The following LRRN4 variants were observed in gnomAD, a reference collection of about 807,000 sequenced individuals.
LRRN4 encodes leucine-rich repeat neuronal protein 4.
In LRRN4, 26 loss-of-function variants were observed where a neutral mutation model predicts 22.3. The observed-to-expected ratio is 1.16, with a 90% CI of 0.85 to 1.62. The LOEUF (loss-of-function observed/expected upper bound fraction) is 1.62. Among genes scored for constraint, LRRN4 ranks in the 40% most tolerant of loss-of-function variants. The probability of loss-of-function intolerance (pLI) is 0.00; values close to 1 mark genes in which losing one functional copy is unlikely to be tolerated. For missense variants in LRRN4, 1,070 were observed against 1,008.5 expected, an observed-to-expected ratio of 1.06 and a Z score of -0.83; for synonymous variants, 496 against 486.2, an observed-to-expected ratio of 1.02 and a Z score of -0.26.
chr20:6,041,834 T>C lies in LRRN4; in HGVS notation c.1411A>G (p.Ile471Val). Residue 471 changes from isoleucine (I) to valine (V), a missense_variant, in exon 5 of 5, where the codon ATC becomes GTC. By Grantham distance (29) the Ile-to-Val change is conservative (BLOSUM62 3). Transcript: ENST00000378858. The surrounding 1 kb of genome is among the most constrained non-coding windows in gnomAD (Gnocchi z 9.4). ...HAPELVLEPDISAASTPLASK... is the reference protein window; with the variant it reads ...HAPELVLEPDVSAASTPLASK... ...GCCAGTGGGGTGGAGGCAGCTGAGA[T>C]ATCAGGCTCAAGGACAAGCTCGGGG... is the stretch of plus-strand genomic sequence containing the variant. The C allele has an allele frequency of 6.2e-7, 1 of 1,614,042 alleles. No homozygotes were observed. Among genetic ancestry groups the C allele is most frequent in the Non-Finnish European group, 8.5e-7 (1 of 1,179,988 alleles).
intron 3 of LRRN4, among the ~76,000 whole-genome samples, chr20:6,046,130 C>A (rs1488345080): frequency 6.8e-6 from 1 of 148,090 alleles, no homozygotes; most frequent in Non-Finnish European, 1.5e-5. Flanking sequence ...GGAAACATAG[C>A]AAGACCCTGT....
Position 6,041,113 on chromosome 20 carries a change from G to C in LRRN4, c.2132C>G (p.Thr711Arg). The part of the protein sequence containing the change: ...LSACLCRRGQ[T>R]LGLQRCDTHL... ...CGTGTCGCAGCGCTGCAGGCCCAGCGTCTGGCCCCGCCTGCAGAGACATGC... is the reference window on the plus strand; with the variant it reads ...CGTGTCGCAGCGCTGCAGGCCCAGCCTCTGGCCCCGCCTGCAGAGACATGC... The change falls in exon 5 of 5, where the codon ACG becomes AGG. Residue 711 changes from threonine (T) to arginine (R), a missense_variant. By Grantham distance (71) the Thr-to-Arg change is moderately conservative. Transcript: ENST00000378858. This position sits in a 1 kb window ranked among gnomAD's most constrained non-coding sequence, Gnocchi z 9.4. The C allele has an allele frequency of 6.2e-7, 1 of 1,610,802 alleles. No homozygotes were observed. Among genetic ancestry groups the C allele is most frequent in the South Asian group, 1.1e-5 (1 of 90,928 alleles).
intron 4 of LRRN4, 152 bp downstream of exon 4, chr20:6,044,391 G>A (rs981142138): frequency 6.9e-6 from 5 of 720,842 alleles, no homozygotes; most frequent in Non-Finnish European, 9.7e-6. Flanking sequence ...TCCATCACCT[G>A]GATCCCTGAG....
chr20:6,050,721 CAT>C, intron 3 of LRRN4, 56 bp downstream of exon 3: 2 of 1,501,926 alleles, frequency 1.3e-6, no homozygotes, highest in Non-Finnish European at 1.9e-6. Flanking sequence ...TAAAATTCAA[CAT>C]AGCGTAATGG....
chr20:6,041,366 C>T lies in LRRN4; in HGVS notation c.1879G>A (p.Gly627Arg). Residue 627 changes from glycine (G) to arginine (R), a missense_variant, in exon 5 of 5, where the codon GGG (glycine) becomes AGG (arginine). By Grantham distance (125) the Gly-to-Arg change is moderately radical (BLOSUM62 -2). Coordinates refer to ENST00000378858, the MANE Select transcript of LRRN4 (RefSeq NM_152611.5). This position sits in a 1 kb window ranked among gnomAD's most constrained non-coding sequence, Gnocchi z 9.4. ...TGCCGGGCCGTGGCGTAGATGACCC[C>T]CACCACCGACTGGTTCCCCGCCCAG... The part of the protein sequence containing the change: ...EGWAGNQSVV[G>R]VIYATARQHP... 6.3e-7 allele frequency: 1 copy of T among 1,591,150 alleles called. No homozygotes were observed. Among genetic ancestry groups the T allele is most frequent in the Admixed American group, 1.7e-5 (1 of 57,756 alleles).
chr20:6,052,601 C>T lies in LRRN4; in HGVS notation c.199G>A (p.Glu67Lys), dbSNP rs761670798. The change falls in exon 2 of 5, where the codon GAG (glutamate) becomes AAG (lysine). Residue 67 changes from glutamate (E) to lysine (K), a missense_variant. Transcript: ENST00000378858. ...TALTLANRNLERLPGCLPRTL... is the reference protein window; with the variant it reads ...TALTLANRNLKRLPGCLPRTL... ...CGCGGTAGGCAGCCGGGCAGGCGCT[C>T]CAGGTTGCGGTTCGCCAGGGTCAAG... 3.8e-6 allele frequency: 6 copies of T among 1,587,126 alleles called. No homozygotes were observed. The highest frequency in any genetic ancestry group is 1.1e-5 in the South Asian group (1 of 89,022).
chr20:6,053,780 C>T (rs1040245014), intron 1 of LRRN4, 50 bp downstream of exon 1: 1 of 152,336 alleles, frequency 6.6e-6, no homozygotes, highest in African/African-American at 2.4e-5. Context: ...GAGAAAGATC[C>T]TGGAACCTGA....
chr20:6,050,750 T>G (rs1981222880), intron 3 of LRRN4, 29 bp downstream of exon 3: 1 of 1,600,902 alleles, frequency 6.2e-7, no homozygotes, highest in African/African-American at 1.3e-5. Flanking sequence ...ATCAGTCATG[T>G]GATGAAGATG....
At position 6,040,659 on chromosome 20, in the gene LRRN4, C is replaced by A; in HGVS notation, c.*363G>T. 1 of 206,926 alleles carries A rather than the reference C, an allele frequency of 4.8e-6. No individual in the cohort carries two copies. The highest frequency in any genetic ancestry group is 9.7e-6 in the Non-Finnish European group (1 of 102,810). The allele number at this position is 206,926 out of a possible 1,614,324, so 12.8% of individuals were successfully genotyped here. On this transcript the variant is annotated 3_prime_UTR_variant, in exon 5 of 5. Coordinates refer to ENST00000378858, the MANE Select transcript of LRRN4 (RefSeq NM_152611.5). ...GTGATTTCTAACATGATCAAAGAGG[C>A]TGGGTTATGCAACTTCTCTGTTTCA...
At position 6,044,616 on chromosome 20, in the gene LRRN4, A is replaced by C. The variant is rs1325409187; in HGVS notation, c.925T>G (p.Phe309Val). 1 of 1,597,738 alleles carries C rather than the reference A, an allele frequency of 6.3e-7. No homozygotes were observed. The highest frequency in any genetic ancestry group is 8.5e-7 in the Non-Finnish European group (1 of 1,172,178). Reference sequence around the variant, plus strand: ...CAACTGCAAGTGAGGGGGTTGCCAAAGAGGTTGATCGATAGGACCTGGGAG... The same window carrying C: ...CAACTGCAAGTGAGGGGGTTGCCAACGAGGTTGATCGATAGGACCTGGGAG... ...DSSQVLSINL[F>V]GNPLTCSCDL... The change falls in exon 4 of 5, where the codon TTT becomes GTT. Residue 309 changes from phenylalanine to valine, a missense_variant. By Grantham distance (50) the Phe-to-Val change is conservative (BLOSUM62 -1). Transcript: ENST00000378858.
chr20:6,051,044 C>G (rs903139203), intron 2 of LRRN4, 61 bp from the exon 3 acceptor site: 2 of 1,469,320 alleles, frequency 1.4e-6, no homozygotes, highest in Admixed American at 1.8e-5. Context: ...GAGGCCAGCA[C>G]GGCATGAAGG....
Position 6,052,462 on chromosome 20 carries a change from G to A in LRRN4, c.338C>T (p.Ala113Val). Residue 113 changes from alanine (A) to valine (V), a missense_variant, in exon 2 of 5, where the codon GCG becomes GTG. By Grantham distance (64) the Ala-to-Val change is moderately conservative. Transcript: ENST00000378858. ...VLTLRHNRIA[A>V]LRWGPGGPAG... is the part of the protein sequence containing the mutation. ...CGGCCCACCCGGGCCCCAGCGCAGC[G>A]CGGCGATGCGGTTGTGGCGCAGGGT... The A allele has an allele frequency of 6.4e-7, 1 of 1,561,176 alleles. No individual in the cohort carries two copies. The highest frequency in any genetic ancestry group is 8.6e-7 in the Non-Finnish European group (1 of 1,162,350).
At chr20:6,047,630 C>CATA (rs1981138295) in intron 3 of LRRN4, among the ~76,000 whole-genome samples, 1 of 141,278 alleles carries the variant, frequency 7.1e-6, no homozygotes, top group African/African-American at 2.6e-5. Flanking sequence ...ACTAAAAATA[C>CATA]AAAAAAAAAA....
chr20:6,052,238 C>T lies in LRRN4; in HGVS notation c.562G>A (p.Gly188Arg), dbSNP rs776796749. ...GCGAACGCCGCCTCGGCGATGCCCCCCTGGGCTCCGCGACCCAGCGCGGTG... is the reference window on the plus strand; with the variant it reads ...GCGAACGCCGCCTCGGCGATGCCCCTCTGGGCTCCGCGACCCAGCGCGGTG... ...SCTALGRGAQ[G>R]GIAEAAFAGE... Residue 188 changes from glycine to arginine, a missense_variant, in exon 2 of 5, where the codon GGG (glycine) becomes AGG (arginine). Gly to Arg is a moderately radical substitution (Grantham distance 125). Coordinates refer to ENST00000378858, the MANE Select transcript of LRRN4 (RefSeq NM_152611.5). 3.2e-6 allele frequency: 5 copies of T among 1,567,836 alleles called. No homozygotes were observed. Among genetic ancestry groups the T allele is most frequent in the African/African-American group, 2.7e-5 (2 of 73,680 alleles).
At chr20:6,048,717 G>T (rs545459790) in intron 3 of LRRN4, among the ~76,000 whole-genome samples, 1 of 152,316 alleles carries the variant, frequency 6.6e-6, no homozygotes, top group African/African-American at 2.4e-5. Flanking sequence ...ATGCCTCATA[G>T]ATCTTTACTA....
rs1980960592 is a variant in LRRN4 at position 6,041,755 on chromosome 20, G to A, written c.1490C>T (p.Pro497Leu). 1 of 1,614,042 alleles carries A rather than the reference G, an allele frequency of 6.2e-7. No homozygotes were observed. The highest frequency in any genetic ancestry group is 1.3e-5 in the African/African-American group (1 of 75,050). ...PTSWDRSISSPQPGQRTHATP... is the reference protein window; with the variant it reads ...PTSWDRSISSLQPGQRTHATP... ...GGCGTGTGTCCTCTGGCCGGGCTGA[G>A]GCGAGCTTATGCTGCGGTCCCACGA... Residue 497 changes from proline to leucine, a missense_variant, in exon 5 of 5, where the codon CCT becomes CTT. By Grantham distance (98) the Pro-to-Leu change is moderately conservative. Transcript: ENST00000378858. This position sits in a 1 kb window ranked among gnomAD's most constrained non-coding sequence, Gnocchi z 9.4.
Position 6,052,778 on chromosome 20 carries a change from G to A in LRRN4, c.22C>T (p.Leu8=), listed in dbSNP as rs1443938103. Residue 8 remains leucine (L), a synonymous_variant, in exon 2 of 5, where the codon CTG becomes TTG. Coordinates refer to ENST00000378858, the MANE Select transcript of LRRN4 (RefSeq NM_152611.5). Reference sequence around the variant, plus strand: ...CTGGGGCGCAGCACCGTCAGCAGCAGCAGCGGTAGGGTTTGCCGCATGGCG... The same window carrying A: ...CTGGGGCGCAGCACCGTCAGCAGCAACAGCGGTAGGGTTTGCCGCATGGCG... MRQTLPL[L]LLTVLRPSWA... is the part of the protein sequence containing the mutation. 1.3e-6 allele frequency: 2 copies of A among 1,573,776 alleles called. No individual in the cohort carries two copies. The highest frequency in any genetic ancestry group is 1.7e-6 in the Non-Finnish European group (2 of 1,167,534).
chr20:6,047,187 C>T (rs1981119724), intron 3 of LRRN4, among the ~76,000 whole-genome samples: 1 of 152,122 alleles, frequency 6.6e-6, no homozygotes, highest in African/African-American at 2.4e-5. Flanking sequence ...GAGAGCCTGG[C>T]TGGTTCCTGA....
At chr20:6,051,073 G>T in intron 2 of LRRN4, 90 bp from the exon 3 acceptor site, 1 of 1,114,034 alleles carries the variant, frequency 9.0e-7, no homozygotes. Flanking sequence ...GAGTGGCAAG[G>T]TGAATGGTGA....
Sources: allele counts gnomAD v4.1 joint callset (sites outside exome capture counted in the v4.1 genomes callset), GRCh38; gene constraint gnomAD v4.1.1; non-coding constraint Gnocchi (gnomAD v3.1); transcripts MANE v1.5; gene names NCBI Gene and HGNC (gene_info 2026-07-23, HGNC 2026-07-21).